Variants in MBNL3 observed in about 807,000 individuals in gnomAD.
The protein encoded by MBNL3 is muscleblind like splicing regulator 3, also known as muscleblind-like protein 3.
Under a neutral mutation model 24.5 loss-of-function variants are expected in MBNL3, and 6 were observed. The observed-to-expected ratio is 0.25, with a 90% CI of 0.13 to 0.48. The LOEUF (loss-of-function observed/expected upper bound fraction) is 0.48. Ranked by LOEUF, MBNL3 falls within the 20% of genes least tolerant of loss-of-function variation. The probability of loss-of-function intolerance (pLI) is 0.99; values close to 1 mark genes in which losing one functional copy is unlikely to be tolerated. For missense variants in MBNL3, 230 were observed against 293.5 expected (o/e 0.78, Z 1.58); for synonymous variants, 100 against 101.7 (o/e 0.98, Z 0.10).
At chrX:132,388,660 G>A (rs183465201) in intron 5 of MBNL3, among the ~76,000 whole-genome samples, 80 of 111,535 alleles carry the variant, frequency 7.2e-4, no homozygotes, top group African/African-American at 2.5e-3. Flanking sequence ...ATTGGGTGGT[G>A]ATTGTACTAT....
At chrX:132,488,695 G>A (rs1489270557) in intron 1 of MBNL3, among the ~76,000 whole-genome samples, 156 bp downstream of exon 1, 1 of 112,633 alleles carries the variant, frequency 8.9e-6, no homozygotes, top group Non-Finnish European at 1.9e-5. Flanking sequence ...AGGAAAGGAG[G>A]AGGAAAATGA....
chrX:132,460,350 A>C (rs1000984534), intron 1 of MBNL3, among the ~76,000 whole-genome samples: 2 of 111,884 alleles, frequency 1.8e-5, no homozygotes, highest in Non-Finnish European at 3.8e-5. Flanking sequence ...GAAACGTGTA[A>C]CAGTTATCCC....
At position 132,377,378 on chromosome X, in the gene MBNL3, C is replaced by G. The variant is rs778775840; in HGVS notation, c.*2288G>C. The stretch of plus-strand genomic sequence containing the variant: ...TCCATAGGTAAAGGTCAGGACAACT[C>G]TTGATCTCTAATTCCACGCAACATT... On this transcript the variant is annotated 3_prime_UTR_variant, in exon 9 of 9. Coordinates refer to ENST00000370853, the MANE Select transcript of MBNL3 (RefSeq NM_001386889.1). The G allele has an allele frequency of 8.9e-6, 1 of 111,900 alleles. No individual in the cohort carries two copies. Among genetic ancestry groups the G allele is most frequent in the East Asian group, 2.8e-4 (1 of 3,549 alleles). 9.2% of individuals were successfully genotyped at this position (111,900 alleles called of 1,213,427 possible). A position where few individuals can be genotyped will look rare whatever the true frequency, so the allele number is the denominator to read the frequency against.
chrX:132,391,049 C>T lies in MBNL3; in HGVS notation c.569G>A (p.Arg190His). 8.3e-7 allele frequency: 1 copy of T among 1,211,287 alleles called. No homozygotes were observed. The highest frequency in any genetic ancestry group is 1.1e-6 in the Non-Finnish European group (1 of 895,238). The change falls in exon 5 of 9, where the codon CGT (arginine) becomes CAT (histidine). Residue 190 changes from arginine (R) to histidine (H), a missense_variant. Arg to His is a conservative substitution (Grantham distance 29). Coordinates refer to ENST00000370853, the MANE Select transcript of MBNL3 (RefSeq NM_001386889.1). ...AGCATAGCGGCAATCATTCTCCCCA[C>T]GGGTACAATTTCCACGCTGAAATTC... Reference protein sequence around the residue: ...CREFQRGNCTRGENDCRYAHP... With the variant: ...CREFQRGNCTHGENDCRYAHP...
intron 2 of MBNL3, among the ~76,000 whole-genome samples, chrX:132,423,644 A>C (rs1944031400): frequency 9.0e-6 from 1 of 111,709 alleles, no homozygotes; most frequent in African/African-American, 3.3e-5. Context: ...AGGAAAAAAC[A>C]CATCTCATAC....
intron 2 of MBNL3, among the ~76,000 whole-genome samples, chrX:132,434,060 AT>A (rs1199803412): frequency 9.0e-6 from 1 of 111,572 alleles, no homozygotes; most frequent in Non-Finnish European, 1.9e-5. Flanking sequence ...ATATTTAATT[AT>A]TTTTTACCTG....
At position 132,386,760 on chromosome X, in the gene MBNL3, T is replaced by C. The variant is rs781653445; in HGVS notation, c.823A>G (p.Lys275Glu). ...QLIPKRSALE[K>E]PNGATPVFNP... The stretch of plus-strand genomic sequence containing the variant: ...AAGACCGGGGTGGCACCATTGGGCT[T>C]TTCCAGTGCTGATCTCTTTGGTATC... The change falls in exon 6 of 9, where the codon AAG becomes GAG. Residue 275 changes from lysine to glutamate, a missense_variant. Coordinates refer to ENST00000370853, the MANE Select transcript of MBNL3 (RefSeq NM_001386889.1). 8.3e-7 allele frequency: 1 copy of C among 1,211,089 alleles called. No homozygotes were observed. Among genetic ancestry groups the C allele is most frequent in the Non-Finnish European group, 1.1e-6 (1 of 895,360 alleles).
At chrX:132,404,479 T>C (rs779272424) in intron 3 of MBNL3, among the ~76,000 whole-genome samples, 7 of 112,266 alleles carry the variant, frequency 6.2e-5, no homozygotes, top group Non-Finnish European at 1.3e-4. Context: ...TGTAAAGAAT[T>C]ACTGAGGGTC....
At chrX:132,396,328 A>G (rs1483776885) in intron 3 of MBNL3, among the ~76,000 whole-genome samples, 1 of 65,272 alleles carries the variant, frequency 1.5e-5, no homozygotes, top group African/African-American at 1.0e-4. Context: ...ATATATTCAT[A>G]TATATTCATA....
chrX:132,389,739 A>G (rs910003231), intron 5 of MBNL3, among the ~76,000 whole-genome samples: 1 of 111,434 alleles, frequency 9.0e-6, no homozygotes, highest in Non-Finnish European at 1.9e-5. Flanking sequence ...CAGCACATCA[A>G]AACAACGGAC....
intron 3 of MBNL3, among the ~76,000 whole-genome samples, chrX:132,399,097 A>T (rs141890853): frequency 2.3e-3 from 260 of 111,721 alleles, no homozygotes; most frequent in African/African-American, 7.9e-3. Context: ...ATAAAAAGGG[A>T]TTCCTAAACC....
In MBNL3 at chrX:132,371,669, G is replaced by A. The variant is rs1482213499; in HGVS notation, c.*7997C>T. ...ATAATGCATCTTAGAATATGCCTCA[G>A]GATTTCTGAGGCACAAGAGAAACTA... On this transcript the variant is annotated 3_prime_UTR_variant, in exon 9 of 9. Coordinates refer to ENST00000370853, the MANE Select transcript of MBNL3 (RefSeq NM_001386889.1). 1 of 111,067 alleles carries A rather than the reference G, an allele frequency of 9.0e-6. No individual in the cohort carries two copies. The highest frequency in any genetic ancestry group is 1.9e-5 in the Non-Finnish European group (1 of 52,870). The allele number at this position is 111,067 out of a possible 1,213,427, so 9.2% of individuals were successfully genotyped here.
intron 2 of MBNL3, chrX:132,431,645 G>C (rs1359573094): frequency 9.0e-6 from 1 of 111,725 alleles, no homozygotes; most frequent in Admixed American, 9.5e-5. Flanking sequence ...TAGACACAAA[G>C]ATGTGGGTAC....
At chrX:132,443,867 C>T (rs1208077559) in intron 1 of MBNL3, among the ~76,000 whole-genome samples, 1 of 109,088 alleles carries the variant, frequency 9.2e-6, no homozygotes, top group Non-Finnish European at 1.9e-5. Context: ...CTACTGTTCT[C>T]ATTTTACAGA....
intron 1 of MBNL3, among the ~76,000 whole-genome samples, chrX:132,467,529 ACTTT>A (rs1413012446): frequency 8.9e-6 from 1 of 112,203 alleles, no homozygotes; most frequent in Non-Finnish European, 1.9e-5. Context: ...TGCTGAGGAA[ACTTT>A]CTTGTGGATA....
chrX:132,472,471 C>T (rs759220265), intron 1 of MBNL3, among the ~76,000 whole-genome samples: 1 of 111,950 alleles, frequency 8.9e-6, no homozygotes, highest in African/African-American at 3.2e-5. Flanking sequence ...GTAAATGTTT[C>T]TCTCTCTCAA....
At chrX:132,445,039 C>G (rs1417151065) in intron 1 of MBNL3, among the ~76,000 whole-genome samples, 4 of 111,820 alleles carry the variant, frequency 3.6e-5, no homozygotes, top group Admixed American at 9.5e-5. Context: ...CTGCCAGTGC[C>G]TGGTCCAGAA....
intron 3 of MBNL3, among the ~76,000 whole-genome samples, chrX:132,397,630 A>C (rs1437283286): frequency 9.0e-6 from 1 of 111,638 alleles, no homozygotes; most frequent in Non-Finnish European, 1.9e-5. Context: ...TACTAGCGTC[A>C]TAATATCTTC....
chrX:132,473,302 C>A (rs772082594), intron 1 of MBNL3, among the ~76,000 whole-genome samples: 5 of 111,956 alleles, frequency 4.5e-5, no homozygotes, highest in Non-Finnish European at 7.5e-5. Context: ...CTATAAAAAT[C>A]TATTTTCCCC....
Sources: allele counts gnomAD v4.1 joint callset (sites outside exome capture counted in the v4.1 genomes callset), GRCh38; gene constraint gnomAD v4.1.1; transcripts MANE v1.5; gene names NCBI Gene and HGNC (gene_info 2026-07-23, HGNC 2026-07-21).